Variants in STPG2 observed in about 807,000 individuals in gnomAD.
The protein encoded by STPG2 is sperm-tail PG-rich repeat-containing protein 2.
A neutral mutation model predicts 54.2 loss-of-function variants in STPG2; 56 were observed. The ratio of observed to expected loss-of-function variants is 1.03; its 90% CI spans 0.83 to 1.29. STPG2 has a LOEUF of 1.29. Ranked by LOEUF, STPG2 falls within the 50% of genes most tolerant of loss-of-function variation. The pLI is 0.00. For synonymous variants in STPG2, 200 were observed against 181.8 expected, an observed-to-expected ratio of 1.10 and a Z score of -0.81; for missense variants, 596 against 544.9, an observed-to-expected ratio of 1.09 and a Z score of -0.93.
intron 8 of STPG2, among the ~76,000 whole-genome samples, chr4:97,841,582 T>A (rs1164860896): frequency 6.6e-6 from 1 of 151,880 alleles, no homozygotes; most frequent in Non-Finnish European, 1.5e-5. Context: ...TAAACTCATT[T>A]TCCTCAAATT....
At chr4:97,703,440 A>G (rs920917200) in intron 10 of STPG2, among the ~76,000 whole-genome samples, 16 of 143,190 alleles carry the variant, frequency 1.1e-4, no homozygotes, top group Non-Finnish European at 2.0e-4. Context: ...AATATGATAT[A>G]TGCTATATAT....
intron 10 of STPG2, among the ~76,000 whole-genome samples, chr4:97,592,496 T>C (rs919483416): frequency 2.0e-5 from 3 of 152,306 alleles, no homozygotes; most frequent in Non-Finnish European, 4.4e-5. Flanking sequence ...ATTAAAACTA[T>C]ATTCTAATTA....
intron 5 of STPG2, among the ~76,000 whole-genome samples, chr4:98,064,009 G>C (rs183945510): frequency 1.3e-3 from 193 of 152,056 alleles, no homozygotes; most frequent in Non-Finnish European, 1.7e-3. Flanking sequence ...GAATGAGAAA[G>C]GTGATATAAT....
intron 9 of STPG2, among the ~76,000 whole-genome samples, chr4:97,729,013 C>T (rs936569702): frequency 6.7e-6 from 1 of 149,336 alleles, no homozygotes; most frequent in Non-Finnish European, 1.5e-5. Flanking sequence ...GAGACAAAGA[C>T]AGAGGAAAAA....
intron 4 of STPG2, among the ~76,000 whole-genome samples, chr4:97,549,442 T>C (rs1731916334): frequency 1.3e-5 from 2 of 152,176 alleles, no homozygotes; most frequent in South Asian, 4.1e-4. Flanking sequence ...TTGAGGCCTG[T>C]AAATAGATTT....
chr4:97,516,749 A>T (rs945629723), intron 4 of STPG2, among the ~76,000 whole-genome samples: 1 of 151,558 alleles, frequency 6.6e-6, no homozygotes, highest in African/African-American at 2.4e-5. Context: ...AATCACTTGA[A>T]CACGGGAGTT....
intron 9 of STPG2, among the ~76,000 whole-genome samples, chr4:97,821,358 C>T (rs904865471): frequency 3.9e-5 from 6 of 152,206 alleles, no homozygotes; most frequent in African/African-American, 1.4e-4. Context: ...AACTCTGCCC[C>T]TGTGTCTCTG....
chr4:97,778,178 G>A (rs569428279), intron 9 of STPG2, among the ~76,000 whole-genome samples: 2 of 152,290 alleles, frequency 1.3e-5, no homozygotes, highest in African/African-American at 4.8e-5. Context: ...AGGAAGGGGT[G>A]ACAGACAGCA....
chr4:97,669,376 A>G (rs934576422), intron 10 of STPG2, among the ~76,000 whole-genome samples: 1 of 152,224 alleles, frequency 6.6e-6, no homozygotes, highest in Admixed American at 6.5e-5. Flanking sequence ...ATCTTGCAGA[A>G]TCAAACATGG....
intron 5 of STPG2, among the ~76,000 whole-genome samples, chr4:98,095,011 G>C (rs75962700): frequency 0.031 from 4,661 of 151,918 alleles, 106 homozygotes; most frequent in Middle Eastern, 0.061. Context: ...TAGGACATAA[G>C]GAAAAACAAC....
intron 4 of STPG2, among the ~76,000 whole-genome samples, chr4:97,518,430 G>T (rs1426679390): frequency 6.6e-6 from 1 of 152,020 alleles, no homozygotes; most frequent in Non-Finnish European, 1.5e-5. Flanking sequence ...ATAAAACAAG[G>T]TTAAAAGTTA....
intron 5 of STPG2, among the ~76,000 whole-genome samples, chr4:98,089,993 G>A (rs1738639770): frequency 6.6e-6 from 1 of 152,024 alleles, no homozygotes; most frequent in South Asian, 2.1e-4. Context: ...CTCCCACCCT[G>A]TGGGTTTTCT....
intron 4 of STPG2, among the ~76,000 whole-genome samples, chr4:97,511,806 TA>T (rs1010349630): frequency 1.5e-4 from 23 of 150,016 alleles, no homozygotes; most frequent in South Asian, 4.2e-4. Flanking sequence ...ATTTCCTACA[TA>T]AAAAAAAATG....
At chr4:98,033,472 A>G (rs141957716) in intron 5 of STPG2, among the ~76,000 whole-genome samples, 1,783 of 152,178 alleles carry the variant, frequency 0.012, 29 homozygotes, top group African/African-American at 0.041. Flanking sequence ...TAGCCTACCA[A>G]CCAAAAAATG....
Position 97,998,960 on chromosome 4 carries a change from G to A in STPG2, c.613-17642C>T, listed in dbSNP as rs76841565. Among the ~76,000 whole-genome samples the A allele has an allele frequency of 3.2e-4, 49 of 152,082 alleles. No homozygotes were observed. In the East Asian group the frequency reaches 5.0e-3, roughly 16 times the overall value. On this transcript the variant is annotated intron_variant, in intron 5 of 10. Coordinates refer to ENST00000295268, the MANE Select transcript of STPG2 (RefSeq NM_174952.3). ...CACGCTGGCCTCTCTGAAACCCTAC[G>A]GTCTTTGACTATAAAGAATATTCTT... is the stretch of plus-strand genomic sequence containing the variant.
At chr4:97,888,822 G>A (rs774167323) in intron 8 of STPG2, among the ~76,000 whole-genome samples, 2 of 152,176 alleles carry the variant, frequency 1.3e-5, no homozygotes, top group Non-Finnish European at 2.9e-5. Flanking sequence ...CCCCAGTGTT[G>A]AAGGTGGGGC....
chr4:97,765,279 T>C (rs949982905), intron 9 of STPG2, among the ~76,000 whole-genome samples: 1 of 152,134 alleles, frequency 6.6e-6, no homozygotes. Context: ...TCCAGGAAAC[T>C]CCACTTTAAG....
At chr4:97,853,369 A>G (rs1270525193) in intron 8 of STPG2, among the ~76,000 whole-genome samples, 1 of 152,332 alleles carries the variant, frequency 6.6e-6, no homozygotes, top group South Asian at 2.1e-4. Context: ...TAGTTCATGT[A>G]TACGTATGTA....
At chr4:97,446,699 ACCTCTTC>A (rs1365044179) in intron 4 of STPG2, among the ~76,000 whole-genome samples, 1 of 152,056 alleles carries the variant, frequency 6.6e-6, no homozygotes, top group Non-Finnish European at 1.5e-5. Flanking sequence ...TGTTGGCAGT[ACCTCTTC>A]CCTCTGTCTT....
Sources: allele counts gnomAD v4.1 joint callset (sites outside exome capture counted in the v4.1 genomes callset), GRCh38; gene constraint gnomAD v4.1.1; transcripts MANE v1.5; gene names NCBI Gene and HGNC (gene_info 2026-07-23, HGNC 2026-07-21).